The following SYT16 variants were observed in gnomAD, a reference collection of about 807,000 sequenced individuals.
The protein encoded by SYT16 is synaptotagmin 16, also known as synaptotagmin-16.
In SYT16, 42 loss-of-function variants were observed where a neutral mutation model predicts 61.4. That is an observed-to-expected ratio of 0.68 (90% CI 0.53 to 0.89). The LOEUF is 0.89. SYT16 is among the 40% of genes least tolerant of loss of function. SYT16 has a pLI of 0.00. For synonymous variants in SYT16, 314 were observed against 302.3 expected, an observed-to-expected ratio of 1.04 and a Z score of -0.40; for missense variants, 804 against 807.3, an observed-to-expected ratio of 1.00 and a Z score of 0.05.
At chr14:62,032,306 A>G (rs1389708348) in intron 3 of SYT16, among the ~76,000 whole-genome samples, 2 of 152,168 alleles carry the variant, frequency 1.3e-5, no homozygotes, top group Admixed American at 6.6e-5. Context: ...TTTCTTCACT[A>G]TGGTAAAACC....
intron 1 of SYT16, among the ~76,000 whole-genome samples, chr14:61,916,356 AT>A (rs1410995051): frequency 6.6e-6 from 1 of 152,086 alleles, no homozygotes; most frequent in African/African-American, 2.4e-5. Context: ...TCACAAATGC[AT>A]TGTATGTGCA....
At chr14:61,847,848 A>T (rs1473530663) in intron 1 of SYT16, among the ~76,000 whole-genome samples, 1 of 152,162 alleles carries the variant, frequency 6.6e-6, no homozygotes, top group African/African-American at 2.4e-5. Context: ...AGAGACTCTA[A>T]TGCATTCTTC....
chr14:61,881,248 A>C (rs910262669), intron 1 of SYT16, among the ~76,000 whole-genome samples: 3 of 152,144 alleles, frequency 2.0e-5, no homozygotes, highest in African/African-American at 7.2e-5. Flanking sequence ...TTAAATCTGA[A>C]ATCACTCTCC....
intron 1 of SYT16, among the ~76,000 whole-genome samples, chr14:61,845,202 C>A (rs939486453): frequency 1.3e-5 from 2 of 152,000 alleles, no homozygotes; most frequent in African/African-American, 2.4e-5. Context: ...CATCTGCCAC[C>A]ATGCCCAGCT....
chr14:61,979,133 A>T (rs1240795500), intron 2 of SYT16, among the ~76,000 whole-genome samples: 1 of 152,208 alleles, frequency 6.6e-6, no homozygotes, highest in Non-Finnish European at 1.5e-5. Context: ...GGTGTGAATC[A>T]GGATCTGAAA....
intron 3 of SYT16, among the ~76,000 whole-genome samples, chr14:62,064,716 T>C (rs902263743): frequency 6.6e-6 from 1 of 152,176 alleles, no homozygotes; most frequent in African/African-American, 2.4e-5. Flanking sequence ...TAAACTGTTA[T>C]GACTGTGGCA....
At chr14:61,900,105 G>GC (rs1205681541) in intron 1 of SYT16, among the ~76,000 whole-genome samples, 1 of 151,484 alleles carries the variant, frequency 6.6e-6, no homozygotes, top group African/African-American at 2.4e-5. Flanking sequence ...ACCTTGGGCA[G>GC]CCCACAGGTA....
At chr14:61,813,654 A>G (rs557563308) in intron 1 of SYT16, among the ~76,000 whole-genome samples, 6 of 152,176 alleles carry the variant, frequency 3.9e-5, no homozygotes, top group Middle Eastern at 3.4e-3. Flanking sequence ...TAATCCCAGC[A>G]CTTTGGGAGG....
At chr14:61,856,499 T>G (rs1364611537) in intron 1 of SYT16, among the ~76,000 whole-genome samples, 1 of 152,180 alleles carries the variant, frequency 6.6e-6, no homozygotes, top group African/African-American at 2.4e-5. Context: ...TGAGAGATAC[T>G]GAAGATCATT....
At chr14:62,082,019 G>A (rs2056726874) in intron 6 of SYT16, among the ~76,000 whole-genome samples, 1 of 152,208 alleles carries the variant, frequency 6.6e-6, no homozygotes, top group African/African-American at 2.4e-5. Context: ...TCTAGTGGTG[G>A]CCAAGTAGGC....
At chr14:61,836,295 G>T (rs964594532) in intron 1 of SYT16, among the ~76,000 whole-genome samples, 1 of 152,076 alleles carries the variant, frequency 6.6e-6, no homozygotes, top group African/African-American at 2.4e-5. Context: ...CTACTTTACT[G>T]CCGGTGGCTG....
At chr14:61,954,951 A>G (rs1229734382) in intron 1 of SYT16, among the ~76,000 whole-genome samples, 1 of 152,162 alleles carries the variant, frequency 6.6e-6, no homozygotes, top group Non-Finnish European at 1.5e-5. Flanking sequence ...TAAAAAATAT[A>G]TATATTTTGA....
At chr14:61,842,004 A>AT (rs1301768689) in intron 1 of SYT16, among the ~76,000 whole-genome samples, 1 of 151,900 alleles carries the variant, frequency 6.6e-6, no homozygotes, top group African/African-American at 2.4e-5. Flanking sequence ...TTCTGTTTTT[A>AT]TTTTTTTAAT....
intron 4 of SYT16, among the ~76,000 whole-genome samples, chr14:62,071,447 A>G (rs932214664): frequency 1.3e-5 from 2 of 152,180 alleles, no homozygotes; most frequent in Non-Finnish European, 1.5e-5. Flanking sequence ...GGCAATTCTG[A>G]ATTTTAGACA....
In SYT16 at chr14:62,106,385, G is replaced by A. The variant is rs2141034198; in HGVS notation, c.*5678G>A. 1 of 152,318 alleles carries A rather than the reference G, an allele frequency of 6.6e-6. No homozygotes were observed. Among genetic ancestry groups the A allele is most frequent in the African/African-American group, 2.4e-5 (1 of 41,554 alleles). The allele number at this position is 152,318 out of a possible 1,614,324, so 9.4% of individuals were successfully genotyped here. ...GTCTAGGAAGCCTTGGACTGGCAGT[G>A]AGTCTTGGTTGCATTATATGGGAAA... is the stretch of plus-strand genomic sequence containing the variant. On this transcript the variant is annotated 3_prime_UTR_variant, in exon 8 of 8. Transcript: ENST00000683842.
intron 1 of SYT16, among the ~76,000 whole-genome samples, chr14:61,925,134 G>A (rs1265457913): frequency 1.3e-5 from 2 of 152,238 alleles, no homozygotes; most frequent in Non-Finnish European, 2.9e-5. Flanking sequence ...AAGGAAGAAG[G>A]ACAGAATAAA....
At chr14:61,834,507 G>A (rs1435786047) in intron 1 of SYT16, among the ~76,000 whole-genome samples, 1 of 137,844 alleles carries the variant, frequency 7.3e-6, no homozygotes, top group Non-Finnish European at 1.5e-5. Flanking sequence ...GTGTGATCTC[G>A]GCTCACTGCA....
chr14:62,048,374 TTTA>T (rs1416517978), intron 3 of SYT16, among the ~76,000 whole-genome samples: 20 of 152,236 alleles, frequency 1.3e-4, no homozygotes, highest in African/African-American at 4.3e-4. Context: ...TCTTTTTTTC[TTTA>T]TTAGTCTTGC....
At chr14:62,085,289 T>C (rs532778186) in intron 7 of SYT16, among the ~76,000 whole-genome samples, 34 of 152,376 alleles carry the variant, frequency 2.2e-4, no homozygotes, top group Admixed American at 2.0e-4. Flanking sequence ...TTCTGCCTTC[T>C]GGACCTCATG....
Sources: gnomAD v4.1 joint callset for allele counts (sites outside exome capture counted in the v4.1 genomes callset) on GRCh38, gnomAD v4.1.1 for gene constraint, MANE v1.5 for transcripts, NCBI Gene and HGNC (gene_info 2026-07-23, HGNC 2026-07-21) for gene names.